The following BCAS4 variants were observed in gnomAD, a reference collection of about 807,000 sequenced individuals.
BCAS4 encodes breast carcinoma-amplified sequence 4.
A neutral mutation model predicts 15.7 loss-of-function variants in BCAS4; 9 were observed. That is an observed-to-expected ratio of 0.57 (90% CI 0.34 to 1.00). The LOEUF (loss-of-function observed/expected upper bound fraction) is 1.00. BCAS4 is among the 50% of genes least tolerant of loss of function. The pLI, the probability that BCAS4 is intolerant of heterozygous loss-of-function variation, is 0.02. For synonymous variants in BCAS4, 101 were observed against 99.5 expected, an observed-to-expected ratio of 1.02 and a Z score of -0.09; for missense variants, 225 against 239.1, an observed-to-expected ratio of 0.94 and a Z score of 0.39.
intron 1 of BCAS4, among the ~76,000 whole-genome samples, chr20:50,795,847 G>A (rs527828116): frequency 6.6e-6 from 1 of 152,286 alleles, no homozygotes; most frequent in African/African-American, 2.4e-5. Context: ...AGTTTTCTTA[G>A]AAAACCAGCA....
intron 1 of BCAS4, among the ~76,000 whole-genome samples, chr20:50,815,789 C>T (rs900705635): frequency 6.6e-6 from 1 of 151,290 alleles, no homozygotes; most frequent in Admixed American, 6.6e-5. Context: ...ATAAACAGTT[C>T]TCTGGGGACA....
intron 1 of BCAS4, among the ~76,000 whole-genome samples, chr20:50,810,031 C>T (rs752680119): frequency 1.3e-5 from 2 of 152,058 alleles, no homozygotes; most frequent in African/African-American, 4.8e-5. Context: ...TCTAGGTATA[C>T]GATCATGTCA....
downstream of BCAS4, chr20:50,880,971 C>T (rs1412996480): frequency 6.6e-6 from 1 of 152,192 alleles, no homozygotes; most frequent in African/African-American, 2.4e-5. Flanking sequence ...CAGTGGCTCA[C>T]ACCTGAATCC....
chr20:50,816,236 G>A (rs1370788717), intron 1 of BCAS4, among the ~76,000 whole-genome samples: 2 of 152,120 alleles, frequency 1.3e-5, no homozygotes, highest in African/African-American at 4.8e-5. Context: ...ATGTTGGTCA[G>A]GCTGGTCTCG....
rs183900180 is a variant in BCAS4, at chr20:50,807,032, C to A, written c.91-11179C>A. Among the ~76,000 whole-genome samples, 3 of 151,636 alleles carry A rather than the reference C, an allele frequency of 2.0e-5. No individual in the cohort carries two copies. In the East Asian group the frequency reaches 5.8e-4, roughly 29 times the overall value. Reference sequence around the variant, plus strand: ...GATTACAGGTGTGCACCACCACACACGGCTAATTTTTGTATTTTTAGTAGA... The same window carrying A: ...GATTACAGGTGTGCACCACCACACAAGGCTAATTTTTGTATTTTTAGTAGA... On this transcript the variant is annotated intron_variant, in intron 1 of 4. Transcript: ENST00000371608.
At chr20:50,821,252 A>G (rs180693053) in intron 2 of BCAS4, among the ~76,000 whole-genome samples, 27 of 152,266 alleles carry the variant, frequency 1.8e-4, no homozygotes, top group African/African-American at 1.2e-4. Flanking sequence ...GAAATGGAAG[A>G]GAACATGCAT....
At chr20:50,831,598 C>G (rs754768852) in intron 3 of BCAS4, among the ~76,000 whole-genome samples, 9 of 152,150 alleles carry the variant, frequency 5.9e-5, no homozygotes, top group Non-Finnish European at 1.2e-4. Flanking sequence ...AGTCAGTCCC[C>G]TCACTGCCCC....
At chr20:50,834,401 T>C (rs2088382563) in intron 3 of BCAS4, among the ~76,000 whole-genome samples, 1 of 150,580 alleles carries the variant, frequency 6.6e-6, no homozygotes, top group Non-Finnish European at 1.5e-5. Context: ...GTTCGAGCGA[T>C]TCTCCTGCCT....
At chr20:50,845,807 C>T (rs2088536646) in intron 4 of BCAS4, among the ~76,000 whole-genome samples, 1 of 152,248 alleles carries the variant, frequency 6.6e-6, no homozygotes, top group South Asian at 2.1e-4. Flanking sequence ...TGGGTGGCCC[C>T]ACGGGAATGC....
chr20:50,871,374 G>A (rs998010974), intron 4 of BCAS4, among the ~76,000 whole-genome samples: 3 of 152,220 alleles, frequency 2.0e-5, no homozygotes, highest in African/African-American at 7.2e-5. Flanking sequence ...AAATGGTCCT[G>A]TCCACCCGCC....
intron 2 of BCAS4, among the ~76,000 whole-genome samples, chr20:50,821,707 TAG>T (rs1261012105): frequency 1.3e-5 from 2 of 152,180 alleles, no homozygotes; most frequent in Non-Finnish European, 2.9e-5. Context: ...CTGCACGGTT[TAG>T]AGAGAAGCCA....
intron 1 of BCAS4, among the ~76,000 whole-genome samples, chr20:50,816,791 ATTTTTTTTTTTTTTT>A (rs35600563): frequency 1.9e-4 from 15 of 80,926 alleles, no homozygotes; most frequent in South Asian, 4.4e-4. Flanking sequence ...TGCCTGGCTA[ATTTTTTTTTTTTTTT>A]TTTTTTTTTT....
chr20:50,799,838 T>C (rs2087906783), intron 1 of BCAS4, among the ~76,000 whole-genome samples: 1 of 152,108 alleles, frequency 6.6e-6, no homozygotes, highest in South Asian at 2.1e-4. Context: ...GGCGGATCCT[T>C]TGTACCCAGG....
intron 4 of BCAS4, among the ~76,000 whole-genome samples, chr20:50,873,415 C>G (rs540939800): frequency 6.6e-6 from 1 of 152,184 alleles, no homozygotes; most frequent in Non-Finnish European, 1.5e-5. Flanking sequence ...GAAGAAGGGC[C>G]GTGTCTTTTC....
At chr20:50,831,600 C>G (rs1342033758) in intron 3 of BCAS4, among the ~76,000 whole-genome samples, 1 of 152,148 alleles carries the variant, frequency 6.6e-6, no homozygotes, top group African/African-American at 2.4e-5. Context: ...TCAGTCCCCT[C>G]ACTGCCCCCA....
At chr20:50,830,198 A>T in intron 2 of BCAS4, 81 bp from the exon 3 acceptor site, 1 of 1,169,526 alleles carries the variant, frequency 8.6e-7, no homozygotes, top group Non-Finnish European at 1.3e-6. Flanking sequence ...GGGTCTGTGT[A>T]GACCCTGGCC....
At chr20:50,797,412 A>G (rs943533519) in intron 1 of BCAS4, among the ~76,000 whole-genome samples, 5 of 152,046 alleles carry the variant, frequency 3.3e-5, no homozygotes, top group African/African-American at 1.2e-4. Flanking sequence ...AATAGCATGG[A>G]GGCAGGGTAC....
Position 50,822,245 on chromosome 20 carries a change from T to C in BCAS4, c.162+3963T>C, listed in dbSNP as rs575912800. On this transcript the variant is annotated intron_variant, in intron 2 of 4. Coordinates refer to ENST00000371608, the MANE Select transcript of BCAS4 (RefSeq NM_198799.4). ...GACCTCCCCAGAGCAAGCAGTCCAG[T>C]GGGCAGGAAGGAAGCTGCCACATGT... Among the ~76,000 whole-genome samples the C allele has an allele frequency of 7.2e-5, 11 of 152,266 alleles. No homozygotes were observed. The South Asian group carries it at 8.3e-4, about 11-fold the overall frequency.
intron 4 of BCAS4, among the ~76,000 whole-genome samples, chr20:50,842,255 G>A (rs1038779843): frequency 1.3e-5 from 2 of 152,186 alleles, no homozygotes; most frequent in Non-Finnish European, 2.9e-5. Context: ...CCTTCCTGAG[G>A]CAGGAGTCAG....
Sources: gnomAD v4.1 joint callset for allele counts (sites outside exome capture counted in the v4.1 genomes callset) on GRCh38, gnomAD v4.1.1 for gene constraint, MANE v1.5 for transcripts, NCBI Gene and HGNC (gene_info 2026-07-23, HGNC 2026-07-21) for gene names.